LUZP2: variants seen among roughly 807,000 people sequenced by gnomAD.
LUZP2 encodes leucine zipper protein 2.
LUZP2 carries 52 observed loss-of-function variants against 51.6 expected under a neutral mutation model. The observed-to-expected ratio is 1.01, with a 90% CI of 0.81 to 1.27. The LOEUF is 1.27. LUZP2 is among the 50% of genes most tolerant of loss of function. The pLI is 0.00. For synonymous variants in LUZP2, 154 were observed against 137.3 expected, an observed-to-expected ratio of 1.12 and a Z score of -0.85; for missense variants, 436 against 395.4, an observed-to-expected ratio of 1.10 and a Z score of -0.87.
chr11:24,606,311 G>A (rs1229361790), intron 1 of LUZP2, among the ~76,000 whole-genome samples: 1 of 151,840 alleles, frequency 6.6e-6, no homozygotes, highest in African/African-American at 2.4e-5. Context: ...TATAAAACAG[G>A]CTTTGGATTA....
At chr11:24,923,236 T>C (rs1854127408) in intron 7 of LUZP2, among the ~76,000 whole-genome samples, 1 of 152,170 alleles carries the variant, frequency 6.6e-6, no homozygotes, top group African/African-American at 2.4e-5. Flanking sequence ...TAAGGTGATT[T>C]ACAGATTATA....
chr11:24,636,540 T>A (rs1855112845), intron 1 of LUZP2, among the ~76,000 whole-genome samples: 1 of 152,152 alleles, frequency 6.6e-6, no homozygotes. Flanking sequence ...TAAAATGTGA[T>A]AATATATGTT....
chr11:24,521,486 A>G (rs1850642707), intron 1 of LUZP2, among the ~76,000 whole-genome samples: 1 of 151,988 alleles, frequency 6.6e-6, no homozygotes. Flanking sequence ...TTTCTTAGGG[A>G]GAAAAATTTT....
At chr11:24,660,414 T>G (rs1855978594) in intron 1 of LUZP2, among the ~76,000 whole-genome samples, 1 of 152,226 alleles carries the variant, frequency 6.6e-6, no homozygotes, top group Admixed American at 6.5e-5. Context: ...TTTTTCTATT[T>G]GTAATGAAGT....
chr11:24,643,990 A>C (rs923301372), intron 1 of LUZP2, among the ~76,000 whole-genome samples: 1 of 152,142 alleles, frequency 6.6e-6, no homozygotes, highest in Non-Finnish European at 1.5e-5. Flanking sequence ...AACAAATTAT[A>C]TTCTCTCTTT....
chr11:24,810,472 AT>A (rs1390926347), intron 5 of LUZP2, among the ~76,000 whole-genome samples: 1 of 152,174 alleles, frequency 6.6e-6, no homozygotes, highest in Non-Finnish European at 1.5e-5. Flanking sequence ...GGTTAACAAA[AT>A]TTAAAATATT....
intron 1 of LUZP2, among the ~76,000 whole-genome samples, chr11:24,631,330 T>C (rs1323156661): frequency 6.6e-6 from 1 of 151,948 alleles, no homozygotes. Flanking sequence ...GTTTGTTGTA[T>C]ATGGCCATTA....
At chr11:24,782,854 A>G (rs1309662515) in intron 5 of LUZP2, among the ~76,000 whole-genome samples, 1 of 152,058 alleles carries the variant, frequency 6.6e-6, no homozygotes, top group African/African-American at 2.4e-5. Flanking sequence ...AGCCTTTTAT[A>G]TACATAATTT....
intron 1 of LUZP2, among the ~76,000 whole-genome samples, chr11:24,651,380 A>G (rs957708386): frequency 5.3e-5 from 8 of 152,112 alleles, no homozygotes; most frequent in Non-Finnish European, 1.2e-4. Flanking sequence ...TTAAACACAT[A>G]TGGACACAAC....
At chr11:24,972,494 A>G (rs1855770458) in intron 7 of LUZP2, among the ~76,000 whole-genome samples, 1 of 152,134 alleles carries the variant, frequency 6.6e-6, no homozygotes, top group Admixed American at 6.6e-5. Context: ...GGTAAAAACT[A>G]GTACTCCAAT....
intron 1 of LUZP2, among the ~76,000 whole-genome samples, chr11:24,715,263 ATGTGTGTGTGTGTGTGTGTG>A (rs58368050): frequency 7.3e-4 from 98 of 133,988 alleles, no homozygotes; most frequent in African/African-American, 2.4e-3. Flanking sequence ...AGGAGCAACT[ATGTGTGTGTGTGTGTGTGTG>A]TGTGTGTGTG....
chr11:25,018,105 A>G (rs11028349), intron 9 of LUZP2, among the ~76,000 whole-genome samples: 144,366 of 149,562 alleles, frequency 0.97, 69,856 homozygotes, highest in East Asian at 1. Flanking sequence ...TTGATTTGAT[A>G]TTCAGCTTGG....
chr11:24,732,310 A>G, intron 3 of LUZP2, 122 bp downstream of exon 3: 4 of 674,952 alleles, frequency 5.9e-6, no homozygotes, highest in South Asian at 2.1e-5. Context: ...ATACTTAAAT[A>G]TGCATGCAAT....
At chr11:24,587,185 T>A (rs1432974741) in intron 1 of LUZP2, among the ~76,000 whole-genome samples, 2 of 152,092 alleles carry the variant, frequency 1.3e-5, no homozygotes, top group African/African-American at 2.4e-5. Context: ...CTACTCAGGC[T>A]CAAATGTATT....
chr11:25,033,327 A>G (rs1857752022), intron 9 of LUZP2, among the ~76,000 whole-genome samples: 1 of 152,194 alleles, frequency 6.6e-6, no homozygotes, highest in South Asian at 2.1e-4. Flanking sequence ...TATGCTAAGG[A>G]AAGCATGGAT....
chr11:24,583,376 T>C (rs192998552), intron 1 of LUZP2, among the ~76,000 whole-genome samples: 1 of 152,260 alleles, frequency 6.6e-6, no homozygotes, highest in East Asian at 1.9e-4. Flanking sequence ...TACACAGGGA[T>C]CTGGATTCTG....
At chr11:24,851,963 T>C (rs1395057399) in intron 5 of LUZP2, among the ~76,000 whole-genome samples, 1 of 152,228 alleles carries the variant, frequency 6.6e-6, no homozygotes, top group African/African-American at 2.4e-5. Flanking sequence ...TCAGTGGTGA[T>C]ATCTCCTTTA....
intron 9 of LUZP2, among the ~76,000 whole-genome samples, chr11:24,990,989 G>C (rs1409851218): frequency 6.6e-6 from 1 of 151,478 alleles, no homozygotes; most frequent in East Asian, 1.9e-4. Context: ...TATTTCCATA[G>C]GTTATTGGAG....
chr11:25,020,158 G>C (rs762697288), intron 9 of LUZP2, among the ~76,000 whole-genome samples: 2 of 152,074 alleles, frequency 1.3e-5, no homozygotes, highest in Non-Finnish European at 2.9e-5. Context: ...AACCTCCACT[G>C]TAACCTTCTG....
Sources: allele counts gnomAD v4.1 joint callset (sites outside exome capture counted in the v4.1 genomes callset), GRCh38; gene constraint gnomAD v4.1.1; transcripts MANE v1.5; gene names NCBI Gene and HGNC (gene_info 2026-07-23, HGNC 2026-07-21).